Variants in JCAD observed in about 807,000 individuals in gnomAD.
JCAD encodes the protein junctional cadherin 5-associated protein.
A neutral mutation model predicts 98.0 loss-of-function variants in JCAD; 40 were observed. That is an observed-to-expected ratio of 0.41 (90% CI 0.32 to 0.53). JCAD has a LOEUF of 0.53. Ranked by LOEUF, JCAD falls within the 20% of genes least tolerant of loss-of-function variation. The probability of loss-of-function intolerance (pLI) is 0.31; values close to 1 mark genes in which losing one functional copy is unlikely to be tolerated. For synonymous variants in JCAD, 691 were observed against 682.3 expected, an observed-to-expected ratio of 1.01 and a Z score of -0.20; for missense variants, 1,705 against 1,738.1, an observed-to-expected ratio of 0.98 and a Z score of 0.34.
chr10:30,055,817 G>C (rs1837560111), intron 1 of JCAD, among the ~76,000 whole-genome samples: 1 of 152,082 alleles, frequency 6.6e-6, no homozygotes, highest in African/African-American at 2.4e-5. Flanking sequence ...TAAGGCATTT[G>C]TTCAAAAAAA....
chr10:30,076,093 G>A (rs1837975811), intron 1 of JCAD, among the ~76,000 whole-genome samples: 1 of 151,720 alleles, frequency 6.6e-6, no homozygotes, highest in Non-Finnish European at 1.5e-5. Flanking sequence ...GCATGATCTG[G>A]GCTCACTGCA....
At chr10:30,045,850 T>A (rs1464986869) in intron 2 of JCAD, among the ~76,000 whole-genome samples, 1 of 152,238 alleles carries the variant, frequency 6.6e-6, no homozygotes, top group East Asian at 1.9e-4. Flanking sequence ...AACTTAAACC[T>A]GCTTTTACTA....
At chr10:30,065,937 T>A (rs1276531094) in intron 2 of JCAD, among the ~76,000 whole-genome samples, 1 of 152,140 alleles carries the variant, frequency 6.6e-6, no homozygotes, top group Non-Finnish European at 1.5e-5. Flanking sequence ...ACCGATGCAA[T>A]CAGAATTTCT....
chr10:30,107,534 C>G (rs1838606913), intron 1 of JCAD, among the ~76,000 whole-genome samples: 1 of 152,324 alleles, frequency 6.6e-6, no homozygotes, highest in South Asian at 2.1e-4. Flanking sequence ...CATGAATAAT[C>G]CACCCTTTGT....
intron 1 of JCAD, among the ~76,000 whole-genome samples, chr10:30,108,546 G>C: frequency 6.6e-6 from 1 of 152,162 alleles, no homozygotes. Flanking sequence ...CTTATAAGGA[G>C]AAGATATCCC....
intron 1 of JCAD, among the ~76,000 whole-genome samples, chr10:30,103,742 T>C (rs1283884489): frequency 6.6e-6 from 1 of 150,830 alleles, no homozygotes; most frequent in Non-Finnish European, 1.5e-5. Flanking sequence ...TCTTTTTTTT[T>C]TTTTTTTTGG....
chr10:30,021,469 A>G (rs959359565), intron 3 of JCAD, among the ~76,000 whole-genome samples: 1 of 152,214 alleles, frequency 6.6e-6, no homozygotes, highest in Non-Finnish European at 1.5e-5. Context: ...TGGGATTACA[A>G]TCATGAGCCG....
chr10:30,091,985 G>A (rs1838274617), intron 1 of JCAD, among the ~76,000 whole-genome samples: 1 of 120,850 alleles, frequency 8.3e-6, no homozygotes, highest in Admixed American at 9.8e-5. Flanking sequence ...CCAAGATCAT[G>A]CCATTGCACT....
At position 30,047,667 on chromosome 10, in the gene JCAD, T is replaced by C. The variant is rs2132643872; in HGVS notation, c.146A>G (p.Asp49Gly). ...AGQGLQNGHEDGPAALAHRKT... is the reference protein window; with the variant it reads ...AGQGLQNGHEGGPAALAHRKT... The stretch of plus-strand genomic sequence containing the variant: ...ACGATGTGCGAGGGCCGCAGGGCCA[T>C]CCTCATGCCCGTTCTGCAGGCCCTG... The change falls in exon 2 of 4, where the codon GAT becomes GGT. Residue 49 changes from aspartate (D) to glycine (G), a missense_variant. This residue lies in a region of JCAD where 152 missense variants were observed against 148.0 expected (regional missense o/e 1.03). Coordinates refer to ENST00000375377, the MANE Select transcript of JCAD (RefSeq NM_020848.4). The C allele has an allele frequency of 6.2e-7, 1 of 1,614,186 alleles. No individual in the cohort carries two copies. Among genetic ancestry groups the C allele is most frequent in the Non-Finnish European group, 8.5e-7 (1 of 1,180,028 alleles).
chr10:30,089,413 G>A (rs1443796462), intron 1 of JCAD, among the ~76,000 whole-genome samples: 2 of 152,068 alleles, frequency 1.3e-5, no homozygotes, highest in Non-Finnish European at 2.9e-5. Context: ...CAGTCTGGCT[G>A]CCCCATTTGG....
chr10:30,103,617 CA>C (rs1363734988), intron 1 of JCAD, among the ~76,000 whole-genome samples: 1 of 58,466 alleles, frequency 1.7e-5, no homozygotes, highest in Non-Finnish European at 3.4e-5. Flanking sequence ...TATAAATACA[CA>C]CACACACACA....
chr10:30,033,396 G>C (rs1259890850), intron 2 of JCAD, among the ~76,000 whole-genome samples: 1 of 152,168 alleles, frequency 6.6e-6, no homozygotes, highest in Non-Finnish European at 1.5e-5. Context: ...TTTAGAGTAA[G>C]TCCTTAGAAA....
Position 30,028,475 on chromosome 10 carries a change from A to G in JCAD, c.1673T>C (p.Leu558Pro). ...GESTCETQTK[L>P]KKFQTGTRTK... ...CCGAGTCCCAGTTTGGAACTTTTTG[A>G]GCTTGGTTTGAGTTTCGCAGGTGCT... is the stretch of plus-strand genomic sequence containing the variant. Residue 558 changes from leucine (L) to proline (P), a missense_variant, in exon 3 of 4, where the codon CTC (leucine) becomes CCC (proline). Physicochemically the swap from Leu to Pro is moderately conservative, Grantham distance 98 (BLOSUM62 -3). This residue lies in a region of JCAD where 1,278 missense variants were observed against 1,243.1 expected (regional missense o/e 1.03). Transcript: ENST00000375377. 1 of 1,613,822 alleles carries G rather than the reference A, an allele frequency of 6.2e-7. No homozygotes were observed.
intron 1 of JCAD, among the ~76,000 whole-genome samples, chr10:30,079,346 CAAAAAAAAA>C (rs373809311): frequency 1.5e-5 from 1 of 64,674 alleles, no homozygotes; most frequent in African/African-American, 5.5e-5. Flanking sequence ...GACTCCATCT[CAAAAAAAAA>C]AAAAAAAAAA....
chr10:30,100,728 G>C (rs1838458282), intron 1 of JCAD, among the ~76,000 whole-genome samples: 1 of 152,200 alleles, frequency 6.6e-6, no homozygotes, highest in Non-Finnish European at 1.5e-5. Flanking sequence ...ATAATGACTT[G>C]ATTGGATTTA....
At chr10:30,112,416 C>T (rs1433187237) in intron 1 of JCAD, among the ~76,000 whole-genome samples, 1 of 152,130 alleles carries the variant, frequency 6.6e-6, no homozygotes, top group Non-Finnish European at 1.5e-5. Context: ...GAGTTCAAAG[C>T]TGCCTGCAGG....
intron 3 of JCAD, among the ~76,000 whole-genome samples, chr10:30,021,267 C>T (rs550861851): frequency 6.2e-4 from 94 of 152,328 alleles, no homozygotes; most frequent in African/African-American, 2.2e-3. Context: ...GGCACAATCA[C>T]AGCTCACTGC....
At chr10:30,041,938 AAC>A (rs905651053) in intron 2 of JCAD, among the ~76,000 whole-genome samples, 1 of 152,196 alleles carries the variant, frequency 6.6e-6, no homozygotes, top group Non-Finnish European at 1.5e-5. Flanking sequence ...ATGTGCAGAT[AAC>A]ACAGTTTTTC....
At chr10:30,047,463 T>A in intron 2 of JCAD, 69 bp downstream of exon 2, 1 of 1,524,262 alleles carries the variant, frequency 6.6e-7, no homozygotes, top group Non-Finnish European at 8.9e-7. Context: ...TTGAAAGAGT[T>A]TACCTACACA....
Sources: allele counts gnomAD v4.1 joint callset (sites outside exome capture counted in the v4.1 genomes callset), GRCh38; gene constraint gnomAD v4.1.1; regional missense constraint gnomAD v4.1.1; transcripts MANE v1.5; gene names NCBI Gene and HGNC (gene_info 2026-07-23, HGNC 2026-07-21).